CFAP20DC: variants seen among roughly 807,000 people sequenced by gnomAD.
CFAP20DC encodes CFAP20 domain containing.
Under a neutral mutation model 101.7 loss-of-function variants are expected in CFAP20DC, and 84 were observed. The observed-to-expected ratio is 0.83, with a 90% CI of 0.69 to 0.99. CFAP20DC has a LOEUF of 0.99. Ranked by LOEUF, CFAP20DC falls within the 50% of genes least tolerant of loss-of-function variation. CFAP20DC has a pLI of 0.00. For missense variants in CFAP20DC, 1,007 were observed against 970.3 expected (o/e 1.04, Z -0.50); for synonymous variants, 359 against 351.2 (o/e 1.02, Z -0.25).
intron 6 of CFAP20DC, among the ~76,000 whole-genome samples, chr3:58,911,655 T>C (rs974140298): frequency 6.6e-6 from 1 of 152,112 alleles, no homozygotes; most frequent in African/African-American, 2.4e-5. Flanking sequence ...TGAAGTAAAA[T>C]AAAAACACAT....
chr3:58,903,476 A>G (rs2083328946), intron 6 of CFAP20DC, among the ~76,000 whole-genome samples: 2 of 152,280 alleles, frequency 1.3e-5, no homozygotes, highest in Non-Finnish European at 2.9e-5. Context: ...TCAGGCTGCT[A>G]TGAAGAAATA....
chr3:58,900,670 A>T (rs1382292256), intron 6 of CFAP20DC, among the ~76,000 whole-genome samples: 1 of 152,248 alleles, frequency 6.6e-6, no homozygotes, highest in Non-Finnish European at 1.5e-5. Context: ...TAAATGGCAC[A>T]TGAAAGAGAA....
chr3:58,869,793 C>T lies in CFAP20DC; in HGVS notation c.853-303G>A, dbSNP rs538584473. Among the ~76,000 whole-genome samples the T allele has an allele frequency of 2.0e-5, 3 of 152,122 alleles. No individual in the cohort carries two copies. The highest frequency in any genetic ancestry group is 2.1e-4 in the South Asian group (1 of 4,806). ...AAAAATCACGCGTATGTCAGAAATT[C>T]GGAGGAAATTAAAAATAAAAAACCT... On this transcript the variant is annotated intron_variant, in intron 8 of 16. Coordinates refer to ENST00000482387, the MANE Select transcript of CFAP20DC (RefSeq NM_001394063.1). This position sits in a 1 kb window ranked among gnomAD's most constrained non-coding sequence, Gnocchi z 4.3.
intron 4 of CFAP20DC, chr3:58,992,527 G>C: frequency 5.1e-6 from 5 of 975,630 alleles, no homozygotes; most frequent in Non-Finnish European, 6.1e-6. Flanking sequence ...CAAATGGTTT[G>C]AGAAGTCCTA....
intron 13 of CFAP20DC, among the ~76,000 whole-genome samples, chr3:58,842,741 C>A (rs1225731334): frequency 6.6e-6 from 1 of 152,222 alleles, no homozygotes; most frequent in African/African-American, 2.4e-5. Flanking sequence ...ACAGCAGTAA[C>A]CTCTGCAGAC....
intron 4 of CFAP20DC, among the ~76,000 whole-genome samples, chr3:59,026,323 T>A (rs1201564371): frequency 6.6e-6 from 1 of 152,188 alleles, no homozygotes; most frequent in Admixed American, 6.5e-5. Context: ...GTTGTCTAGT[T>A]CTCAACACAT....
In CFAP20DC at chr3:59,006,312, C is replaced by T. The variant is rs1320483229; in HGVS notation, c.278+33245G>A. ...GGAAGATGGTGCCCAGGAGGCAGGG[C>T]TAATGTGCACCTCTCACTTGGAGAG... is the stretch of plus-strand genomic sequence containing the variant. On this transcript the variant is annotated intron_variant, in intron 4 of 16. Transcript: ENST00000482387. The surrounding 1 kb of genome is among the most constrained non-coding windows in gnomAD (Gnocchi z 4.3). Among the ~76,000 whole-genome samples the T allele has an allele frequency of 6.6e-6, 1 of 152,122 alleles. No individual in the cohort carries two copies. Among genetic ancestry groups the T allele is most frequent in the Non-Finnish European group, 1.5e-5 (1 of 68,014 alleles).
chr3:58,751,793 C>T (rs967096671), intron 16 of CFAP20DC, among the ~76,000 whole-genome samples: 1 of 151,738 alleles, frequency 6.6e-6, no homozygotes, highest in Non-Finnish European at 1.5e-5. Context: ...GTTGTGGGAC[C>T]TTGGGCAAGT....
At chr3:59,044,431 A>G (rs935282007) in intron 3 of CFAP20DC, among the ~76,000 whole-genome samples, 1 of 152,186 alleles carries the variant, frequency 6.6e-6, no homozygotes, top group African/African-American at 2.4e-5. Context: ...AGTGCTACAC[A>G]TGATATAGAA....
intron 15 of CFAP20DC, among the ~76,000 whole-genome samples, chr3:58,793,912 A>G (rs561701016): frequency 6.6e-6 from 1 of 152,346 alleles, no homozygotes; most frequent in Non-Finnish European, 1.5e-5. Flanking sequence ...CTAATTCAAC[A>G]GAAAATATTT....
chr3:58,870,645 T>C lies in CFAP20DC; in HGVS notation c.716-336A>G, dbSNP rs533948335. On this transcript the variant is annotated intron_variant, in intron 7 of 16. Transcript: ENST00000482387. ...GGCTCACGCCTGTAATCCCAGCACT[T>C]TGGGAGGCCGAGGCGGGTGGATCAT... Among the ~76,000 whole-genome samples the C allele has an allele frequency of 2.0e-5, 3 of 149,344 alleles. No individual in the cohort carries two copies. In the East Asian group the frequency reaches 5.9e-4, roughly 29 times the overall value.
intron 3 of CFAP20DC, among the ~76,000 whole-genome samples, chr3:58,720,312 A>G (rs1293066653): frequency 6.6e-6 from 1 of 152,228 alleles, no homozygotes; most frequent in Non-Finnish European, 1.5e-5. Context: ...AAGTTCTCTG[A>G]GCCTCAGTTT....
At chr3:58,991,732 A>G (rs559360164) in intron 4 of CFAP20DC, among the ~76,000 whole-genome samples, 14 of 152,260 alleles carry the variant, frequency 9.2e-5, no homozygotes, top group South Asian at 8.3e-4. Context: ...ACGAGAATCT[A>G]ATACCACTGT....
intron 5 of CFAP20DC, among the ~76,000 whole-genome samples, chr3:58,924,315 A>T: frequency 6.6e-6 from 1 of 152,222 alleles, no homozygotes; most frequent in Middle Eastern, 3.4e-3. Context: ...GCTCCCATTT[A>T]TGAGTAAGAA....
rs540569756 is a variant in CFAP20DC at position 58,853,232 on chromosome 3, A to G, written c.1594-3823T>C. Among the ~76,000 whole-genome samples, 685 of 152,338 alleles carry G rather than the reference A, an allele frequency of 4.5e-3. 5 individuals carry two copies. The highest frequency in any genetic ancestry group is 0.016 in the African/African-American group (647 of 41,570). ...TCTACGCAAATAAACTAGAAAATCT[A>G]GAAGAAATGGATAAATTTCTCGACA... On this transcript the variant is annotated intron_variant, in intron 12 of 16. Coordinates refer to ENST00000482387, the MANE Select transcript of CFAP20DC (RefSeq NM_001394063.1).
chr3:58,835,048 A>G (rs948234410), intron 13 of CFAP20DC, among the ~76,000 whole-genome samples: 3 of 152,160 alleles, frequency 2.0e-5, no homozygotes, highest in Non-Finnish European at 2.9e-5. Flanking sequence ...TTGGCAGTCA[A>G]TACATATATC....
At chr3:59,023,403 G>C (rs1332341913) in intron 4 of CFAP20DC, among the ~76,000 whole-genome samples, 4 of 152,064 alleles carry the variant, frequency 2.6e-5, no homozygotes, top group Non-Finnish European at 5.9e-5. Context: ...GGAGGATATG[G>C]GAAGTATTTA....
chr3:58,812,620 G>A (rs2107800815), intron 14 of CFAP20DC, among the ~76,000 whole-genome samples: 1 of 151,774 alleles, frequency 6.6e-6, no homozygotes, highest in South Asian at 2.1e-4. Flanking sequence ...ACGAGTTAAT[G>A]GGTGCAGCAC....
chr3:58,961,941 T>C (rs2091174485), intron 4 of CFAP20DC, among the ~76,000 whole-genome samples: 4 of 152,322 alleles, frequency 2.6e-5, no homozygotes, highest in African/African-American at 9.6e-5. Context: ...ACAAAAGGTT[T>C]GTAAGTTTTG....
Sources: gnomAD v4.1 joint callset for allele counts (sites outside exome capture counted in the v4.1 genomes callset) on GRCh38, gnomAD v4.1.1 for gene constraint, Gnocchi (gnomAD v3.1) non-coding constraint, MANE v1.5 for transcripts, NCBI Gene and HGNC (gene_info 2026-07-23, HGNC 2026-07-21) for gene names.